Variants in DDR2 observed in about 807,000 individuals in gnomAD.
DDR2 encodes the protein discoidin domain-containing receptor 2.
A neutral mutation model predicts 94.9 loss-of-function variants in DDR2; 27 were observed. The observed-to-expected ratio is 0.28, with a 90% CI of 0.21 to 0.39. The LOEUF (loss-of-function observed/expected upper bound fraction) is 0.39, where lower values mean the gene tolerates loss of function less well. Ranked by LOEUF, DDR2 falls within the 10% of genes least tolerant of loss-of-function variation. The probability of loss-of-function intolerance (pLI) is 1.00; values close to 1 mark genes in which losing one functional copy is unlikely to be tolerated. For synonymous variants in DDR2, 382 were observed against 377.2 expected, an observed-to-expected ratio of 1.01 and a Z score of -0.15; for missense variants, 783 against 1,076.0, an observed-to-expected ratio of 0.73 and a Z score of 3.81.
chr1:162,723,629 T>C (rs1448394202), intron 3 of DDR2, among the ~76,000 whole-genome samples: 1 of 152,174 alleles, frequency 6.6e-6, no homozygotes, highest in Non-Finnish European at 1.5e-5. Context: ...TTGTTGTGTA[T>C]AAAAAACACA....
intron 2 of DDR2, among the ~76,000 whole-genome samples, chr1:162,659,999 G>A (rs574869536): frequency 7.4e-4 from 33 of 44,760 alleles, no homozygotes; most frequent in Middle Eastern, 0.023. Flanking sequence ...GTGGGCTGCA[G>A]GAACAACGTT....
At chr1:162,636,536 G>T (rs916381766) in intron 1 of DDR2, among the ~76,000 whole-genome samples, 2 of 152,152 alleles carry the variant, frequency 1.3e-5, no homozygotes, top group African/African-American at 4.8e-5. Context: ...TGAGTGAGAG[G>T]GAGAGGGCAT....
At chr1:162,731,335 C>T (rs1306073611) in intron 3 of DDR2, among the ~76,000 whole-genome samples, 2 of 152,152 alleles carry the variant, frequency 1.3e-5, no homozygotes, top group African/African-American at 4.8e-5. Context: ...TCTGTATTAA[C>T]CTTAGCTCTA....
At chr1:162,685,294 T>C (rs1292953708) in intron 2 of DDR2, among the ~76,000 whole-genome samples, 1 of 152,198 alleles carries the variant, frequency 6.6e-6, no homozygotes, top group Non-Finnish European at 1.5e-5. Context: ...TCATAGAATG[T>C]ATGAATGAAA....
chr1:162,743,106 A>G (rs1409286958), intron 3 of DDR2, among the ~76,000 whole-genome samples: 1 of 152,142 alleles, frequency 6.6e-6, no homozygotes, highest in East Asian at 1.9e-4. Flanking sequence ...TTTCTTGCCA[A>G]AACTTCCTGC....
intron 2 of DDR2, among the ~76,000 whole-genome samples, chr1:162,681,222 G>T (rs1000263183): frequency 2.6e-5 from 4 of 152,180 alleles, no homozygotes; most frequent in African/African-American, 9.7e-5. Flanking sequence ...CGGGAGAAAG[G>T]TTTTCAGGGA....
At position 162,778,708 on chromosome 1, in the gene DDR2, C is replaced by A. The variant is rs767183927; in HGVS notation, c.2412C>A (p.Phe804Leu). 2.5e-6 allele frequency: 4 copies of A among 1,613,894 alleles called. No homozygotes were observed. In the South Asian group the frequency reaches 4.4e-5, roughly 18 times the overall value. Residue 804 changes from phenylalanine to leucine, a missense_variant, in exon 17 of 18, where the codon TTC becomes TTA. This residue lies in a region of DDR2 where 264 missense variants were observed against 428.2 expected (regional missense o/e 0.62). Coordinates refer to ENST00000367921, the MANE Select transcript of DDR2 (RefSeq NM_006182.4). ...DEQVIENTGE[F>L]FRDQGRQTYL... ...AGGTTATTGAGAATACTGGAGAGTT[C>A]TTCCGAGACCAAGGGAGGCAGGTAA... is the stretch of plus-strand genomic sequence containing the variant.
At chr1:162,645,089 A>C (rs551790441) in intron 1 of DDR2, among the ~76,000 whole-genome samples, 41 of 152,218 alleles carry the variant, frequency 2.7e-4, no homozygotes, top group Non-Finnish European at 5.3e-4. Context: ...GGCATACTGC[A>C]GGGGTGGCGT....
At chr1:162,723,007 G>T (rs1414705215) in intron 3 of DDR2, among the ~76,000 whole-genome samples, 1 of 152,090 alleles carries the variant, frequency 6.6e-6, no homozygotes, top group African/African-American at 2.4e-5. Context: ...TTGCCTTTGG[G>T]GCTAAGCACA....
intron 11 of DDR2, among the ~76,000 whole-genome samples, chr1:162,767,943 A>G (rs929245076): frequency 4.0e-5 from 6 of 151,888 alleles, no homozygotes; most frequent in African/African-American, 1.5e-4. Context: ...CCCTCTTCAG[A>G]CTCTGTCTAT....
At chr1:162,680,817 C>T (rs944113318) in intron 2 of DDR2, among the ~76,000 whole-genome samples, 2 of 152,196 alleles carry the variant, frequency 1.3e-5, no homozygotes, top group Non-Finnish European at 2.9e-5. Context: ...CAGCTGAACA[C>T]ATTCCAGTCT....
intron 3 of DDR2, among the ~76,000 whole-genome samples, chr1:162,742,978 C>T (rs367569982): frequency 6.6e-6 from 1 of 152,122 alleles, no homozygotes; most frequent in African/African-American, 2.4e-5. Context: ...CCCCCTAGGT[C>T]CCTCCCACAA....
intron 1 of DDR2, among the ~76,000 whole-genome samples, chr1:162,648,502 G>A (rs899071735): frequency 1.3e-5 from 2 of 152,240 alleles, no homozygotes; most frequent in East Asian, 1.9e-4. Context: ...TCTGAAAGCC[G>A]GTGAAGTGTT....
chr1:162,755,808 C>A, intron 7 of DDR2, 39 bp downstream of exon 7: 1 of 1,508,384 alleles, frequency 6.6e-7, no homozygotes, highest in Non-Finnish European at 9.2e-7. Context: ...GGAAATTGGC[C>A]ACTAAGAAAG....
rs560295296 is a variant in DDR2 at position 162,787,036 on chromosome 1, A to G, written c.*6790A>G. On this transcript the variant is annotated 3_prime_UTR_variant, in exon 18 of 18. Coordinates refer to ENST00000367921, the MANE Select transcript of DDR2 (RefSeq NM_006182.4). Reference sequence around the variant, plus strand: ...CTCAGTCATTATACTAGAGATTAGAATGAAACGACCCCAAACAACCCATTT... The same window carrying G: ...CTCAGTCATTATACTAGAGATTAGAGTGAAACGACCCCAAACAACCCATTT... 2 of 152,332 alleles carry G rather than the reference A, an allele frequency of 1.3e-5. No individual in the cohort carries two copies. Among genetic ancestry groups the G allele is most frequent in the African/African-American group, 4.8e-5 (2 of 41,578 alleles). 9.4% of individuals were successfully genotyped at this position (152,332 alleles called of 1,614,324 possible).
At chr1:162,754,131 CA>C (rs985143256) in intron 4 of DDR2, among the ~76,000 whole-genome samples, 1 of 152,196 alleles carries the variant, frequency 6.6e-6, no homozygotes, top group Admixed American at 6.5e-5. Flanking sequence ...TCTTCCCCCT[CA>C]TCCTCCCCAT....
At chr1:162,658,795 C>G (rs375377669) in intron 2 of DDR2, among the ~76,000 whole-genome samples, 1 of 128,296 alleles carries the variant, frequency 7.8e-6, no homozygotes, top group Non-Finnish European at 1.7e-5. Flanking sequence ...TCATTGCACT[C>G]CAGCCTGGGT....
chr1:162,775,525 C>T (rs1034726215), intron 14 of DDR2, 127 bp from the exon 15 acceptor site: 37 of 1,019,624 alleles, frequency 3.6e-5, no homozygotes, highest in Non-Finnish European at 5.2e-5. Context: ...TCTGTCCTCT[C>T]AAAAGTTATC....
chr1:162,767,010 C>T (rs966959548), intron 10 of DDR2, among the ~76,000 whole-genome samples: 4 of 126,572 alleles, frequency 3.2e-5, no homozygotes, highest in Non-Finnish European at 6.4e-5. Context: ...TCCTGAGGGA[C>T]AGAACAAGAC....
Sources: allele counts gnomAD v4.1 joint callset (sites outside exome capture counted in the v4.1 genomes callset), GRCh38; gene constraint gnomAD v4.1.1; regional missense constraint gnomAD v4.1.1; transcripts MANE v1.5; gene names NCBI Gene and HGNC (gene_info 2026-07-23, HGNC 2026-07-21).